The following CPN1 variants were observed in gnomAD, a reference collection of about 807,000 sequenced individuals.
CPN1 encodes carboxypeptidase N subunit 1, also known as carboxypeptidase N catalytic chain.
In CPN1, 37 loss-of-function variants were observed where a neutral mutation model predicts 46.4. The ratio of observed to expected loss-of-function variants is 0.80; its 90% CI spans 0.61 to 1.05. CPN1 has a LOEUF of 1.05. CPN1 is among the 50% of genes least tolerant of loss of function. The pLI is 0.00. For synonymous variants in CPN1, 224 were observed against 235.4 expected (o/e 0.95, Z 0.44); for missense variants, 563 against 602.6 (o/e 0.93, Z 0.69).
intron 5 of CPN1, 143 bp from the exon 6 acceptor site, chr10:100,057,295 A>G: frequency 1.1e-6 from 1 of 921,018 alleles, no homozygotes; most frequent in Non-Finnish European, 1.6e-6. Context: ...TCATTGGCAC[A>G]TAATGTGTAC....
chr10:100,045,359 A>G (rs1350066828), intron 8 of CPN1, among the ~76,000 whole-genome samples: 1 of 152,232 alleles, frequency 6.6e-6, no homozygotes, highest in Non-Finnish European at 1.5e-5. Flanking sequence ...TATAACAAGA[A>G]AAAAGGGAAA....
chr10:100,058,203 T>C (rs910785276), intron 5 of CPN1, among the ~76,000 whole-genome samples: 4 of 152,180 alleles, frequency 2.6e-5, no homozygotes, highest in African/African-American at 9.7e-5. Flanking sequence ...GAATTTCACT[T>C]CTTGTCCCTT....
At chr10:100,054,491 A>G in intron 6 of CPN1, 45 bp from the exon 7 acceptor site, 1 of 1,488,374 alleles carries the variant, frequency 6.7e-7, no homozygotes, top group Middle Eastern at 1.7e-4. Flanking sequence ...CATTTGTACC[A>G]TTTGTACAGT....
intron 2 of CPN1, among the ~76,000 whole-genome samples, chr10:100,074,962 C>T (rs892188838): frequency 1.3e-5 from 2 of 152,096 alleles, no homozygotes; most frequent in African/African-American, 4.8e-5. Flanking sequence ...AAATGTTAGG[C>T]ACGCTGACAT....
At chr10:100,066,784 A>T (rs926116777) in intron 3 of CPN1, among the ~76,000 whole-genome samples, 5 of 152,200 alleles carry the variant, frequency 3.3e-5, no homozygotes, top group Non-Finnish European at 7.3e-5. Context: ...AGGGGACTGG[A>T]TAAATAGGGT....
chr10:100,078,543 A>G (rs1289039593), intron 1 of CPN1, among the ~76,000 whole-genome samples: 1 of 152,222 alleles, frequency 6.6e-6, no homozygotes, highest in Non-Finnish European at 1.5e-5. Context: ...ACTTTTTTAT[A>G]AAGAACTAGA....
At position 100,043,634 on chromosome 10, in the gene CPN1, T is replaced by G. The variant is rs1273978325; in HGVS notation, c.1231-1061A>C. Among the ~76,000 whole-genome samples the G allele has an allele frequency of 2.0e-5, 3 of 151,604 alleles. No homozygotes were observed. In the Admixed American group the frequency reaches 2.0e-4, roughly 10 times the overall value. ...CAAAGATAGTAGAGATGATAAAGAG[T>G]GTTGGTATGGACTTGGGGATTTATT... is the stretch of plus-strand genomic sequence containing the variant. On this transcript the variant is annotated intron_variant, in intron 8 of 8. Transcript: ENST00000370418.
chr10:100,058,526 T>C (rs2041398301), intron 5 of CPN1, among the ~76,000 whole-genome samples: 1 of 152,214 alleles, frequency 6.6e-6, no homozygotes, highest in Non-Finnish European at 1.5e-5. Context: ...TTTTAATATG[T>C]TTCTCATTAT....
chr10:100,052,573 G>A (rs1160568342), intron 7 of CPN1, among the ~76,000 whole-genome samples: 1 of 151,980 alleles, frequency 6.6e-6, no homozygotes. Flanking sequence ...CTTGGATAGA[G>A]CATAAAATCT....
chr10:100,061,333 C>T (rs527871399), intron 5 of CPN1, among the ~76,000 whole-genome samples: 8 of 152,250 alleles, frequency 5.3e-5, no homozygotes, highest in Non-Finnish European at 8.8e-5. Flanking sequence ...ACATATACCC[C>T]ATAAATATAT....
intron 5 of CPN1, among the ~76,000 whole-genome samples, chr10:100,059,401 T>TAAC (rs71013407): frequency 1.8e-3 from 273 of 151,052 alleles, no homozygotes; most frequent in African/African-American, 6.1e-3. Flanking sequence ...AACATAACAA[T>TAAC]AACAACAACA....
chr10:100,071,419 C>G (rs901723849), intron 2 of CPN1, among the ~76,000 whole-genome samples: 3 of 152,108 alleles, frequency 2.0e-5, no homozygotes, highest in African/African-American at 7.3e-5. Context: ...TTCTTTGGCT[C>G]TTAGACCCAT....
intron 7 of CPN1, among the ~76,000 whole-genome samples, chr10:100,053,526 G>A (rs780540894): frequency 2.0e-5 from 3 of 151,968 alleles, no homozygotes; most frequent in Non-Finnish European, 2.9e-5. Context: ...ATTGGAGGCT[G>A]AGTTAGGAGG....
At chr10:100,067,896 G>A (rs1436872291) in intron 3 of CPN1, among the ~76,000 whole-genome samples, 2 of 152,058 alleles carry the variant, frequency 1.3e-5, no homozygotes, top group African/African-American at 4.8e-5. Flanking sequence ...GCTCACACCT[G>A]TAATCCCAGC....
At chr10:100,076,595 C>A (rs554025360) in intron 1 of CPN1, among the ~76,000 whole-genome samples, 8 of 152,220 alleles carry the variant, frequency 5.3e-5, no homozygotes, top group African/African-American at 1.7e-4. Flanking sequence ...TAGGTTTTAG[C>A]GTAACAGCCG....
chr10:100,056,717 C>CTTT (rs34591682), intron 6 of CPN1, among the ~76,000 whole-genome samples: 2 of 142,484 alleles, frequency 1.4e-5, no homozygotes, highest in African/African-American at 5.1e-5. Flanking sequence ...GCTTGGCTAT[C>CTTT]TTTTTTTTTT....
intron 8 of CPN1, among the ~76,000 whole-genome samples, chr10:100,047,507 T>C (rs1030032971): frequency 2.6e-5 from 4 of 152,204 alleles, no homozygotes; most frequent in African/African-American, 9.6e-5. Context: ...CTTGCTAGAT[T>C]TCTTCACTCA....
At chr10:100,081,339 A>G in intron 1 of CPN1, 64 bp downstream of exon 1, 1 of 1,443,662 alleles carries the variant, frequency 6.9e-7, no homozygotes, top group Admixed American at 1.9e-5. Context: ...AAACCACTCC[A>G]ATTACTGGAT....
chr10:100,049,572 T>C (rs574004665), intron 7 of CPN1, among the ~76,000 whole-genome samples: 2 of 152,064 alleles, frequency 1.3e-5, no homozygotes, highest in East Asian at 3.9e-4. Context: ...CGTCTTTTCT[T>C]TTTCAAAATA....
Sources: allele counts gnomAD v4.1 joint callset (sites outside exome capture counted in the v4.1 genomes callset), GRCh38; gene constraint gnomAD v4.1.1; transcripts MANE v1.5; gene names NCBI Gene and HGNC (gene_info 2026-07-23, HGNC 2026-07-21).